GRM5: variants seen among roughly 807,000 people sequenced by gnomAD.
The protein encoded by GRM5 is metabotropic glutamate receptor 5.
In GRM5, 19 loss-of-function variants were observed where a neutral mutation model predicts 83.1. The observed-to-expected ratio is 0.23, with a 90% CI of 0.16 to 0.34. The LOEUF is 0.34. Among genes scored for constraint, GRM5 ranks in the 10% least tolerant of loss-of-function variants. The pLI is 1.00. For synonymous variants in GRM5, 675 were observed against 633.6 expected, an observed-to-expected ratio of 1.07 and a Z score of -0.98; for missense variants, 1,160 against 1,588.3, an observed-to-expected ratio of 0.73 and a Z score of 4.58.
At chr11:88,861,792 A>G (rs1284277709) in intron 2 of GRM5, among the ~76,000 whole-genome samples, 1 of 152,062 alleles carries the variant, frequency 6.6e-6, no homozygotes, top group Non-Finnish European at 1.5e-5. Context: ...CCACAGTTCT[A>G]AACAGATATC....
chr11:88,679,197 T>C (rs1456476743), intron 3 of GRM5, among the ~76,000 whole-genome samples: 1 of 152,170 alleles, frequency 6.6e-6, no homozygotes, highest in East Asian at 1.9e-4. Flanking sequence ...GAGAGGACAC[T>C]GCAGTTTGGA....
At chr11:88,680,409 T>G (rs1452277157) in intron 3 of GRM5, among the ~76,000 whole-genome samples, 4 of 152,322 alleles carry the variant, frequency 2.6e-5, no homozygotes, top group African/African-American at 2.4e-5. Context: ...ACAAAGGACA[T>G]GAACTCATCA....
At chr11:88,555,285 A>C (rs1942599579) in intron 8 of GRM5, among the ~76,000 whole-genome samples, 1 of 152,176 alleles carries the variant, frequency 6.6e-6, no homozygotes, top group Non-Finnish European at 1.5e-5. Flanking sequence ...TTAGCAAAGC[A>C]ATCTCTCTGG....
intron 2 of GRM5, among the ~76,000 whole-genome samples, chr11:88,864,323 T>C (rs1454300333): frequency 2.6e-5 from 4 of 151,578 alleles, no homozygotes; most frequent in African/African-American, 7.3e-5. Context: ...CTGGCAATAA[T>C]AGGTTAAGAG....
chr11:88,748,715 C>A (rs556013629), intron 3 of GRM5, among the ~76,000 whole-genome samples: 2 of 152,188 alleles, frequency 1.3e-5, no homozygotes, highest in Middle Eastern at 3.4e-3. Context: ...CAGTACCCCC[C>A]CAGGACCAAG....
rs181114186 is a variant in GRM5, at chr11:88,863,225, C to T, written c.662-13070G>A. 1.1e-4 allele frequency among the ~76,000 whole-genome samples: 16 copies of T among 151,920 alleles called. No individual in the cohort carries two copies. The East Asian group carries it at 1.4e-3, about 13-fold the overall frequency. On this transcript the variant is annotated intron_variant, in intron 2 of 9. Transcript: ENST00000305447. ...TGGCAATTCCTCAAAGGTCTAGAGT[C>T]GAAATGTCATTTGACCCAGCAATCC...
intron 1 of GRM5, among the ~76,000 whole-genome samples, chr11:89,060,271 TA>T (rs1941962565): frequency 9.8e-6 from 1 of 102,044 alleles, no homozygotes; most frequent in Non-Finnish European, 1.8e-5. Context: ...AAATGGTATA[TA>T]TATATATATA....
intron 3 of GRM5, among the ~76,000 whole-genome samples, chr11:88,683,815 T>C (rs1057203666): frequency 1.3e-5 from 2 of 152,188 alleles, no homozygotes; most frequent in African/African-American, 2.4e-5. Context: ...AAGAAGGGTG[T>C]TTACTTTTAT....
chr11:89,029,128 G>A (rs1277468476), intron 2 of GRM5, among the ~76,000 whole-genome samples: 4 of 152,178 alleles, frequency 2.6e-5, no homozygotes, highest in Non-Finnish European at 4.4e-5. Flanking sequence ...TTTTATGCCT[G>A]CATAGTATTC....
At chr11:88,662,009 C>A (rs1939920211) in intron 3 of GRM5, among the ~76,000 whole-genome samples, 1 of 151,960 alleles carries the variant, frequency 6.6e-6, no homozygotes, top group Non-Finnish European at 1.5e-5. Flanking sequence ...TCAAAGGATT[C>A]ATAAAAAGTA....
At chr11:88,560,653 T>G (rs989243015) in intron 8 of GRM5, among the ~76,000 whole-genome samples, 10 of 152,166 alleles carry the variant, frequency 6.6e-5, no homozygotes, top group Non-Finnish European at 1.2e-4. Context: ...GTGAGCTCCA[T>G]GAGGTGCTGC....
rs1941205417 is a variant in GRM5, at chr11:88,507,382, AG to A, written c.*1209del. 1 of 152,218 alleles carries A rather than the reference AG, an allele frequency of 6.6e-6. No individual in the cohort carries two copies. The highest frequency in any genetic ancestry group is 1.5e-5 in the Non-Finnish European group (1 of 68,026). The allele number at this position is 152,218 out of a possible 1,614,324, so 9.4% of individuals were successfully genotyped here. A position where few individuals can be genotyped will look rare whatever the true frequency, so the allele number is the denominator to read the frequency against. ...CATAGCTGCCCTGTTTAAGCAGCCA[AG>A]AATAGTTAAAATCACTGCTCACTGG... On this transcript the variant is annotated 3_prime_UTR_variant, in exon 10 of 10. Transcript: ENST00000305447.
intron 2 of GRM5, among the ~76,000 whole-genome samples, chr11:88,886,600 G>A (rs868011177): frequency 1.6e-4 from 24 of 152,242 alleles, no homozygotes; most frequent in Non-Finnish European, 2.1e-4. Context: ...TAGCTGTCAT[G>A]TGGGGCTGGA....
intron 4 of GRM5, among the ~76,000 whole-genome samples, chr11:88,631,380 A>C (rs1565162321): frequency 6.6e-6 from 1 of 152,212 alleles, no homozygotes; most frequent in African/African-American, 2.4e-5. Flanking sequence ...TTATTGGGAT[A>C]TATATTTACT....
chr11:88,964,868 C>T (rs1478511607), intron 2 of GRM5, among the ~76,000 whole-genome samples: 1 of 152,100 alleles, frequency 6.6e-6, no homozygotes, highest in Non-Finnish European at 1.5e-5. Context: ...TTCTCAGAAA[C>T]TGTGCAAATT....
chr11:89,034,537 C>G (rs1941338527), intron 2 of GRM5, among the ~76,000 whole-genome samples: 1 of 151,754 alleles, frequency 6.6e-6, no homozygotes, highest in Admixed American at 6.6e-5. Context: ...TCTGAGAAAA[C>G]TCATGTGCTA....
Position 88,984,358 on chromosome 11 carries a change from G to A in GRM5, c.661+62854C>T, listed in dbSNP as rs534518970. ...TATCATTTTGTTACAATTGCCTATAGTTTTCACTACAGTAATAGGCTGTAC... is the reference window on the plus strand; with the variant it reads ...TATCATTTTGTTACAATTGCCTATAATTTTCACTACAGTAATAGGCTGTAC... On this transcript the variant is annotated intron_variant, in intron 2 of 9. Coordinates refer to ENST00000305447, the MANE Select transcript of GRM5 (RefSeq NM_001143831.3). Among the ~76,000 whole-genome samples, 4 of 152,198 alleles carry A rather than the reference G, an allele frequency of 2.6e-5. No individual in the cohort carries two copies. The East Asian group carries it at 7.7e-4, about 29-fold the overall frequency.
chr11:88,587,910 G>A (rs1245801563), intron 7 of GRM5, among the ~76,000 whole-genome samples: 1 of 151,972 alleles, frequency 6.6e-6, no homozygotes, highest in Non-Finnish European at 1.5e-5. Flanking sequence ...CTTTCCCTAT[G>A]TAAAACTTAT....
Position 88,567,070 on chromosome 11 carries a change from G to C in GRM5, c.2613C>G (p.Ser871=), listed in dbSNP as rs1320014274. Residue 871 remains serine, a synonymous_variant, in exon 8 of 10, where the codon TCC becomes TCG. Coordinates refer to ENST00000305447, the MANE Select transcript of GRM5 (RefSeq NM_001143831.3). This position sits in a 1 kb window ranked among gnomAD's most constrained non-coding sequence, Gnocchi z 7.3. The part of the protein sequence containing the change: ...SLVNLWKRRG[S]SGETLRYKDR... ...ACTTTTACCTTAAGGTTTCCCCAGA[G>C]GAGCCCCTTCTCTTCCACAGGTTGA... The C allele has an allele frequency of 6.2e-7, 1 of 1,611,176 alleles. No homozygotes were observed. The highest frequency in any genetic ancestry group is 1.1e-5 in the South Asian group (1 of 90,758).
Sources: gnomAD v4.1 joint callset for allele counts (sites outside exome capture counted in the v4.1 genomes callset) on GRCh38, gnomAD v4.1.1 for gene constraint, Gnocchi (gnomAD v3.1) non-coding constraint, MANE v1.5 for transcripts, NCBI Gene and HGNC (gene_info 2026-07-23, HGNC 2026-07-21) for gene names.